The following BYSL variants were observed in gnomAD, a reference collection of about 807,000 sequenced individuals.
The protein encoded by BYSL is bystin like.
A neutral mutation model predicts 45.4 loss-of-function variants in BYSL; 21 were observed. The observed-to-expected ratio is 0.46, with a 90% CI of 0.33 to 0.67. The LOEUF (loss-of-function observed/expected upper bound fraction) is 0.67, where lower values mean the gene tolerates loss of function less well. BYSL is among the 30% of genes least tolerant of loss of function. The probability of loss-of-function intolerance (pLI) is 0.02; values close to 1 mark genes in which losing one functional copy is unlikely to be tolerated. For missense variants in BYSL, 522 were observed against 578.5 expected, an observed-to-expected ratio of 0.90 and a Z score of 1.00; for synonymous variants, 215 against 231.3, an observed-to-expected ratio of 0.93 and a Z score of 0.64.
intron 1 of BYSL, among the ~76,000 whole-genome samples, chr6:41,926,349 C>T (rs1237099177): frequency 1.3e-5 from 2 of 152,176 alleles, no homozygotes; most frequent in African/African-American, 4.8e-5. Flanking sequence ...TCAATGTCCT[C>T]ATTTGAAACT....
chr6:41,920,871 G>C (rs886241156), upstream of BYSL: 4 of 1,138,146 alleles, frequency 3.5e-6, no homozygotes, highest in African/African-American at 6.5e-5. Context: ...CCGCAGCCCG[G>C]ACGGCATCCT....
intron 1 of BYSL, among the ~76,000 whole-genome samples, chr6:41,923,331 C>T (rs1436796809): frequency 6.7e-6 from 1 of 149,656 alleles, no homozygotes; most frequent in East Asian, 2.0e-4. Flanking sequence ...TTTTTTGAGC[C>T]TGTCGCCCAG....
At chr6:41,931,340 G>T (rs968251591) in intron 4 of BYSL, 56 bp from the exon 5 acceptor site, 1 of 1,589,884 alleles carries the variant, frequency 6.3e-7, no homozygotes, top group African/African-American at 1.3e-5. Context: ...ATATTTAATG[G>T]GCCGGGTCCA....
the BYSL span, among the ~76,000 whole-genome samples, chr6:41,914,860 C>T: frequency 6.6e-6 from 1 of 152,074 alleles, no homozygotes; most frequent in African/African-American, 2.4e-5. Flanking sequence ...TGTAAGAAAA[C>T]GGGAACTCTA....
chr6:41,911,935 T>A, the BYSL span, among the ~76,000 whole-genome samples: 3 of 152,224 alleles, frequency 2.0e-5, no homozygotes, highest in Non-Finnish European at 4.4e-5. Context: ...TCATACTATA[T>A]GAGTCTACAA....
upstream of BYSL, among the ~76,000 whole-genome samples, chr6:41,920,409 C>G (rs1002921825): frequency 3.3e-5 from 5 of 152,148 alleles, no homozygotes; most frequent in African/African-American, 1.2e-4. Context: ...TGGCCCACTC[C>G]CTCCAACCCT....
chr6:41,930,204 G>T lies in BYSL; in HGVS notation c.504G>T (p.Glu168Asp). Residue 168 changes from glutamate to aspartate, a missense_variant, in exon 3 of 7, where the codon GAG becomes GAT. Physicochemically the swap from Glu to Asp is conservative, Grantham distance 45. Coordinates refer to ENST00000230340, the MANE Select transcript of BYSL (RefSeq NM_004053.4). ...CAGAGGTTGAGACAGTCATGTCAGAGGTGTCGGGCTTCCCTATGCCCCAGC... is the reference window on the plus strand; with the variant it reads ...CAGAGGTTGAGACAGTCATGTCAGATGTGTCGGGCTTCCCTATGCCCCAGC... ...KQTEVETVMS[E>D]VSGFPMPQLD... is the part of the protein sequence containing the mutation. 1 of 1,614,214 alleles carries T rather than the reference G, an allele frequency of 6.2e-7. No homozygotes were observed.
At chr6:41,914,428 G>A in the BYSL span, among the ~76,000 whole-genome samples, 1 of 152,216 alleles carries the variant, frequency 6.6e-6, no homozygotes, top group Non-Finnish European at 1.5e-5. Flanking sequence ...AGGGAAACAG[G>A]TACATGAGTG....
chr6:41,927,079 G>A (rs1275080485), intron 1 of BYSL, among the ~76,000 whole-genome samples: 2 of 147,222 alleles, frequency 1.4e-5, no homozygotes, highest in Non-Finnish European at 3.0e-5. Context: ...GGGTGACAGA[G>A]CAAGACTCCA....
chr6:41,924,216 A>C (rs1775531894), intron 1 of BYSL, among the ~76,000 whole-genome samples: 1 of 142,212 alleles, frequency 7.0e-6, no homozygotes, highest in Non-Finnish European at 1.5e-5. Flanking sequence ...GCCCGCCACC[A>C]CACCCAGCTA....
intron 1 of BYSL, among the ~76,000 whole-genome samples, chr6:41,922,504 T>C (rs138651559): frequency 9.2e-5 from 14 of 152,358 alleles, no homozygotes; most frequent in Non-Finnish European, 1.5e-4. Context: ...TTTGACACAA[T>C]TGAATAGTGG....
intron 1 of BYSL, among the ~76,000 whole-genome samples, chr6:41,925,793 C>T (rs1182247159): frequency 6.6e-6 from 1 of 152,156 alleles, no homozygotes; most frequent in African/African-American, 2.4e-5. Context: ...TCAAGCGATT[C>T]TCATGCCTCA....
chr6:41,928,448 A>G (rs1296616064), intron 2 of BYSL, among the ~76,000 whole-genome samples: 1 of 152,216 alleles, frequency 6.6e-6, no homozygotes, highest in East Asian at 1.9e-4. Flanking sequence ...GTTGAAATAT[A>G]TGTCATAAAG....
upstream of BYSL, chr6:41,921,149 G>C (rs1051436321): frequency 6.5e-6 from 8 of 1,227,562 alleles, no homozygotes; most frequent in African/African-American, 4.7e-5. Flanking sequence ...CGTAAAAACA[G>C]AGCGCCGGGT....
intron 1 of BYSL, among the ~76,000 whole-genome samples, chr6:41,922,724 A>T (rs1369431190): frequency 1.3e-5 from 2 of 152,158 alleles, no homozygotes; most frequent in Non-Finnish European, 2.9e-5. Flanking sequence ...TCTAGCCCTG[A>T]TCTCTTCCAT....
In BYSL at chr6:41,932,814, C is replaced by A; in HGVS notation, c.*108C>A. On this transcript the variant is annotated 3_prime_UTR_variant, in exon 7 of 7. Coordinates refer to ENST00000230340, the MANE Select transcript of BYSL (RefSeq NM_004053.4). This position sits in a 1 kb window ranked among gnomAD's most constrained non-coding sequence, Gnocchi z 4.7. ...TAATGGCTGAAGACCCAGATCAGGG[C>A]AGTGACAGATCACAGGGACATCTGT... 1 of 1,179,532 alleles carries A rather than the reference C, an allele frequency of 8.5e-7. No homozygotes were observed. Among genetic ancestry groups the A allele is most frequent in the Non-Finnish European group, 1.2e-6 (1 of 850,942 alleles). 73.1% of individuals were successfully genotyped at this position (1,179,532 alleles called of 1,614,324 possible). A position where few individuals can be genotyped will look rare whatever the true frequency, so the allele number is the denominator to read the frequency against.
At chr6:41,915,152 G>A in the BYSL span, among the ~76,000 whole-genome samples, 171 of 152,020 alleles carry the variant, frequency 1.1e-3, no homozygotes, top group Middle Eastern at 3.4e-3. Flanking sequence ...AGAACACAAG[G>A]GCCAGGCATG....
the BYSL span, among the ~76,000 whole-genome samples, chr6:41,912,808 A>G: frequency 2.8e-4 from 43 of 152,218 alleles, no homozygotes; most frequent in Middle Eastern, 3.4e-3. Flanking sequence ...CCACCTGGGA[A>G]CTTATTAGAA....
upstream of BYSL, chr6:41,921,141 TA>T: frequency 7.5e-7 from 1 of 1,328,170 alleles, no homozygotes. Context: ...CGGAAATACG[TA>T]AAAACAGAGC....
Sources: allele counts gnomAD v4.1 joint callset (sites outside exome capture counted in the v4.1 genomes callset), GRCh38; gene constraint gnomAD v4.1.1; non-coding constraint Gnocchi (gnomAD v3.1); transcripts MANE v1.5; gene names NCBI Gene and HGNC (gene_info 2026-07-23, HGNC 2026-07-21).